KCNQ2: variants seen among roughly 807,000 people sequenced by gnomAD.
The protein encoded by KCNQ2 is potassium voltage-gated channel subfamily KQT member 2.
A neutral mutation model predicts 84.8 loss-of-function variants in KCNQ2; 14 were observed. The ratio of observed to expected loss-of-function variants is 0.17; its 90% confidence interval spans 0.11 to 0.26. The LOEUF is 0.26. KCNQ2 is among the 10% of genes least tolerant of loss of function. The pLI is 1.00. For synonymous variants in KCNQ2, 599 were observed against 554.1 expected (o/e 1.08, Z -1.14); for missense variants, 788 against 1,254.0 (o/e 0.63, Z 5.61).
intron 4 of KCNQ2, among the ~76,000 whole-genome samples, chr20:63,443,316 CCACCACCACCATCACCATCACCACCAT>C (rs2081298667): frequency 9.4e-5 from 1 of 10,606 alleles, no homozygotes; most frequent in African/African-American, 3.6e-4. Context: ...ACCATCATCA[CCACCACCACCATCACCATCACCACCAT>C]CACCACCACC....
Position 63,401,929 on chromosome 20 carries a change from C to T in KCNQ2, c.*4715G>A. On this transcript the variant is annotated 3_prime_UTR_variant, in exon 17 of 17. Transcript: ENST00000359125. ...CAGGTCCAAGCCTCGTGAGCCATCCCTCTCATACCACGTCTGCTGGGCACC... is the reference window on the plus strand; with the variant it reads ...CAGGTCCAAGCCTCGTGAGCCATCCTTCTCATACCACGTCTGCTGGGCACC... 1 of 175,828 alleles carries T rather than the reference C, an allele frequency of 5.7e-6. No homozygotes were observed. Among genetic ancestry groups the T allele is most frequent in the Non-Finnish European group, 1.2e-5 (1 of 82,098 alleles). The allele number at this position is 175,828 out of a possible 1,614,324, so 10.9% of individuals were successfully genotyped here.
intron 5 of KCNQ2, among the ~76,000 whole-genome samples, chr20:63,440,060 C>T (rs1171162214): frequency 6.6e-6 from 1 of 152,216 alleles, no homozygotes; most frequent in Non-Finnish European, 1.5e-5. Flanking sequence ...GAAGGGAGTG[C>T]CCAGAGGGAC....
At chr20:63,427,459 C>T (rs2080666500) in intron 10 of KCNQ2, among the ~76,000 whole-genome samples, 1 of 152,260 alleles carries the variant, frequency 6.6e-6, no homozygotes, top group African/African-American at 2.4e-5. Flanking sequence ...GCTCCTGTAA[C>T]TAAGTGCCGC....
chr20:63,413,655 A>G, intron 14 of KCNQ2, 74 bp from the exon 15 acceptor site: 1 of 1,550,754 alleles, frequency 6.4e-7, no homozygotes, highest in Non-Finnish European at 8.9e-7. Context: ...CCTTCCTAGC[A>G]CCTCTGAGAC....
At chr20:63,466,247 G>C (rs888216143) in intron 1 of KCNQ2, among the ~76,000 whole-genome samples, 2 of 151,922 alleles carry the variant, frequency 1.3e-5, no homozygotes, top group African/African-American at 4.8e-5. Flanking sequence ...AGCTTCCCAC[G>C]CTCGAGCCCG....
At chr20:63,412,090 G>T in intron 15 of KCNQ2, 1 of 537,938 alleles carries the variant, frequency 1.9e-6, no homozygotes. Context: ...TTTGACTCGG[G>T]AGCGGGTGGC....
rs1014478076 is a variant in KCNQ2, at chr20:63,408,814, C to T, written c.1764-278G>A. Among the ~76,000 whole-genome samples, 6 of 152,170 alleles carry T rather than the reference C, an allele frequency of 3.9e-5. No homozygotes were observed. Among genetic ancestry groups the T allele is most frequent in the Middle Eastern group, 3.2e-3 (1 of 316 alleles). On this transcript the variant is annotated intron_variant, in intron 15 of 16. Coordinates refer to ENST00000359125, the MANE Select transcript of KCNQ2 (RefSeq NM_172107.4). The surrounding 1 kb of genome is among the most constrained non-coding windows in gnomAD (Gnocchi z 5.0). ...AAGGACGCTCCCACCAGGGCCGAGT[C>T]GCCCGGCTCCTCTCCGTGGGCTCCC...
intron 7 of KCNQ2, among the ~76,000 whole-genome samples, chr20:63,436,912 G>A (rs892034646): frequency 2.0e-5 from 3 of 151,982 alleles, no homozygotes; most frequent in Non-Finnish European, 4.4e-5. Flanking sequence ...GAGTAGCTGG[G>A]ATTACAGGCG....
At chr20:63,441,638 G>A in intron 5 of KCNQ2, among the ~76,000 whole-genome samples, 1 of 109,480 alleles carries the variant, frequency 9.1e-6, no homozygotes, top group East Asian at 2.5e-4. Context: ...CTGTGGTGGG[G>A]CCTGAACCAC....
chr20:63,443,403 C>T (rs908247700), intron 4 of KCNQ2, among the ~76,000 whole-genome samples: 11 of 14,296 alleles, frequency 7.7e-4, no homozygotes, highest in African/African-American at 2.6e-3. Flanking sequence ...ATCACCATCA[C>T]CACCATCACC....
At chr20:63,432,952 G>A (rs2080873561) in intron 8 of KCNQ2, among the ~76,000 whole-genome samples, 1 of 152,120 alleles carries the variant, frequency 6.6e-6, no homozygotes, top group Non-Finnish European at 1.5e-5. Flanking sequence ...CGGGGGGCGC[G>A]GGAGCTGGGA....
At chr20:63,471,338 G>A (rs1282122802) in intron 1 of KCNQ2, 2 of 152,424 alleles carry the variant, frequency 1.3e-5, no homozygotes, top group Non-Finnish European at 2.9e-5. Flanking sequence ...CACGGACGCA[G>A]GCTTCGGCCG....
At chr20:63,444,341 A>C (rs1015426599) in intron 4 of KCNQ2, among the ~76,000 whole-genome samples, 2 of 152,358 alleles carry the variant, frequency 1.3e-5, no homozygotes, top group South Asian at 2.1e-4. Flanking sequence ...CCAGGAAAGA[A>C]GACACCCAAC....
intron 1 of KCNQ2, among the ~76,000 whole-genome samples, chr20:63,468,535 C>T (rs1392508212): frequency 6.6e-6 from 1 of 152,204 alleles, no homozygotes; most frequent in Non-Finnish European, 1.5e-5. Context: ...CAGCACCACC[C>T]GAGTTCTCCA....
In KCNQ2 at chr20:63,446,181, G is replaced by T; in HGVS notation, c.387+566C>A. The T allele has an allele frequency of 3.8e-6, 1 of 264,908 alleles. No homozygotes were observed. The highest frequency in any genetic ancestry group is 7.4e-6 in the Non-Finnish European group (1 of 135,786). The allele number at this position is 264,908 out of a possible 1,614,324, so 16.4% of individuals were successfully genotyped here. A position where few individuals can be genotyped will look rare whatever the true frequency, so the allele number is the denominator to read the frequency against. On this transcript the variant is annotated intron_variant, in intron 2 of 16. Transcript: ENST00000359125. The surrounding 1 kb of genome is among the most constrained non-coding windows in gnomAD (Gnocchi z 5.5). ...AGGGAAGGCCCCAGGTAACTGCAAA[G>T]GGGGCCACAGTCTCCACCCAGACCT...
rs1238249590 is a variant in KCNQ2 at position 63,406,702 on chromosome 20, C to G, written c.2561G>C (p.Arg854Pro). The change falls in exon 17 of 17, where the codon CGC (arginine) becomes CCC (proline). Residue 854 changes from arginine to proline, a missense_variant. Coordinates refer to ENST00000359125, the MANE Select transcript of KCNQ2 (RefSeq NM_172107.4). ...DLCTPCGPPP[R>P]SATGEGPFGD... ...AAAGGGACCCTCGCCGGTGGCCGAGCGTGGCGGGGGCCCGCACGGGGTACA... is the reference window on the plus strand; with the variant it reads ...AAAGGGACCCTCGCCGGTGGCCGAGGGTGGCGGGGGCCCGCACGGGGTACA... The G allele has an allele frequency of 1.2e-6, 2 of 1,607,254 alleles. No homozygotes were observed. Among genetic ancestry groups the G allele is most frequent in the East Asian group, 4.5e-5 (2 of 44,660 alleles).
chr20:63,461,232 C>T (rs980206253), intron 1 of KCNQ2, among the ~76,000 whole-genome samples: 11 of 152,232 alleles, frequency 7.2e-5, no homozygotes, highest in African/African-American at 2.7e-4. Flanking sequence ...GTCCACCCGC[C>T]GCTCAGGCCA....
At chr20:63,469,745 G>A (rs1278538569) in intron 1 of KCNQ2, among the ~76,000 whole-genome samples, 3 of 152,250 alleles carry the variant, frequency 2.0e-5, no homozygotes, top group Non-Finnish European at 2.9e-5. Flanking sequence ...CTCCGTCTCC[G>A]TTTAGCTGAT....
Position 63,460,548 on chromosome 20 carries a change from A to G in KCNQ2, c.296+11620T>C, listed in dbSNP as rs2081922483. 6.7e-6 allele frequency among the ~76,000 whole-genome samples: 1 copy of G among 149,658 alleles called. No homozygotes were observed. Among genetic ancestry groups the G allele is most frequent in the Non-Finnish European group, 1.5e-5 (1 of 67,722 alleles). Reference sequence around the variant, plus strand: ...TCACAGCTCCAGTCCCTGGCCCCCTACAAACGTCCTAGTGAGTGCTCTCTC... The same window carrying G: ...TCACAGCTCCAGTCCCTGGCCCCCTGCAAACGTCCTAGTGAGTGCTCTCTC... On this transcript the variant is annotated intron_variant, in intron 1 of 16. Coordinates refer to ENST00000359125, the MANE Select transcript of KCNQ2 (RefSeq NM_172107.4). The surrounding 1 kb of genome is among the most constrained non-coding windows in gnomAD (Gnocchi z 5.4).
Sources: allele counts gnomAD v4.1 joint callset (sites outside exome capture counted in the v4.1 genomes callset), GRCh38; gene constraint gnomAD v4.1.1; non-coding constraint Gnocchi (gnomAD v3.1); transcripts MANE v1.5; gene names NCBI Gene and HGNC (gene_info 2026-07-23, HGNC 2026-07-21).